The following SDK2 variants were observed in gnomAD, a reference collection of about 807,000 sequenced individuals.
SDK2 encodes protein sidekick-2.
A neutral mutation model predicts 253.9 loss-of-function variants in SDK2; 105 were observed. The observed-to-expected ratio is 0.41, with a 90% CI of 0.35 to 0.49. SDK2 has a LOEUF of 0.49. Among genes scored for constraint, SDK2 ranks in the 20% least tolerant of loss-of-function variants. The pLI is 0.06. For missense variants in SDK2, 2,608 were observed against 3,003.0 expected (o/e 0.87, Z 3.07); for synonymous variants, 1,249 against 1,234.9 (o/e 1.01, Z -0.24).
chr17:73,524,993 G>A (rs2064113856), intron 1 of SDK2, among the ~76,000 whole-genome samples: 1 of 152,260 alleles, frequency 6.6e-6, no homozygotes, highest in African/African-American at 2.4e-5. Flanking sequence ...TCCCATGGGT[G>A]AGGCCGTGGA....
At chr17:73,469,165 G>A (rs946609181) in intron 3 of SDK2, among the ~76,000 whole-genome samples, 1 of 152,148 alleles carries the variant, frequency 6.6e-6, no homozygotes, top group Non-Finnish European at 1.5e-5. Context: ...TCATGGTGAT[G>A]AGCCCCCAGC....
intron 38 of SDK2, among the ~76,000 whole-genome samples, chr17:73,363,560 G>A (rs974425832): frequency 2.0e-5 from 3 of 152,162 alleles, no homozygotes; most frequent in African/African-American, 7.2e-5. Context: ...TGTGAGGCTG[G>A]TTTGCTATTG....
chr17:73,624,861 G>A (rs1194299059), intron 1 of SDK2, among the ~76,000 whole-genome samples: 2 of 152,170 alleles, frequency 1.3e-5, no homozygotes, highest in African/African-American at 2.4e-5. Flanking sequence ...CAGTTACTCT[G>A]CACCAGATAC....
chr17:73,529,873 C>T (rs1267399599), intron 1 of SDK2, among the ~76,000 whole-genome samples: 2 of 152,200 alleles, frequency 1.3e-5, no homozygotes, highest in African/African-American at 4.8e-5. Context: ...ATTTTTGTTA[C>T]TTGAGCCACC....
intron 24 of SDK2, 146 bp downstream of exon 24, chr17:73,397,889 G>A: frequency 2.2e-6 from 2 of 911,790 alleles, no homozygotes; most frequent in Non-Finnish European, 3.2e-6. Context: ...TTTGTTCGTT[G>A]GGCTAAGATG....
chr17:73,532,907 A>G (rs951673349), intron 1 of SDK2, among the ~76,000 whole-genome samples: 1 of 152,190 alleles, frequency 6.6e-6, no homozygotes, highest in African/African-American at 2.4e-5. Flanking sequence ...AGTTAACTCT[A>G]TTGTGGCCCT....
At chr17:73,573,201 C>A (rs1261876707) in intron 1 of SDK2, among the ~76,000 whole-genome samples, 1 of 152,216 alleles carries the variant, frequency 6.6e-6, no homozygotes, top group East Asian at 1.9e-4. Context: ...ACACTCTGGG[C>A]CAGCAGGCGG....
intron 24 of SDK2, among the ~76,000 whole-genome samples, chr17:73,397,653 T>C (rs986101385): frequency 6.6e-6 from 1 of 152,190 alleles, no homozygotes; most frequent in Non-Finnish European, 1.5e-5. Context: ...AATGCCACAG[T>C]GGCACTTGAA....
At chr17:73,601,362 G>T (rs1173174581) in intron 1 of SDK2, among the ~76,000 whole-genome samples, 1 of 152,088 alleles carries the variant, frequency 6.6e-6, no homozygotes, top group Non-Finnish European at 1.5e-5. Context: ...CTTTGAGGTG[G>T]CATGCTGGGT....
At chr17:73,514,989 C>G (rs185634770) in intron 1 of SDK2, among the ~76,000 whole-genome samples, 8 of 152,298 alleles carry the variant, frequency 5.3e-5, no homozygotes, top group Non-Finnish European at 1.0e-4. Flanking sequence ...CTCACCAAAC[C>G]TCACTTCTCT....
chr17:73,597,312 C>G (rs569429362), intron 1 of SDK2, among the ~76,000 whole-genome samples: 1 of 152,296 alleles, frequency 6.6e-6, no homozygotes, highest in African/African-American at 2.4e-5. Context: ...TTTCTGGAAG[C>G]TGGGCACAAG....
intron 5 of SDK2, among the ~76,000 whole-genome samples, chr17:73,445,965 T>C (rs2063450552): frequency 1.3e-5 from 2 of 151,624 alleles, no homozygotes; most frequent in African/African-American, 4.8e-5. Flanking sequence ...GGTTGGGTGG[T>C]TTGGGATGGA....
chr17:73,468,742 G>T (rs976881943), intron 3 of SDK2, among the ~76,000 whole-genome samples: 8 of 151,598 alleles, frequency 5.3e-5, no homozygotes, highest in Non-Finnish European at 7.4e-5. Context: ...AGCCAGGATG[G>T]TCTCAATCTC....
chr17:73,375,951 T>C (rs2062776417), intron 36 of SDK2, among the ~76,000 whole-genome samples: 1 of 151,480 alleles, frequency 6.6e-6, no homozygotes, highest in Non-Finnish European at 1.5e-5. Flanking sequence ...ATCCCAGCAC[T>C]TTGGGAGGCC....
intron 1 of SDK2, among the ~76,000 whole-genome samples, chr17:73,617,708 T>C (rs1448162261): frequency 6.6e-6 from 1 of 152,184 alleles, no homozygotes; most frequent in African/African-American, 2.4e-5. Flanking sequence ...AAATAATTAG[T>C]GAGTCTGTCC....
At chr17:73,386,063 G>A in intron 31 of SDK2, 146 bp from the exon 32 acceptor site, 1 of 462,994 alleles carries the variant, frequency 2.2e-6, no homozygotes, top group East Asian at 4.6e-5. Context: ...GATTTCTGCA[G>A]AACAAAGGGC....
chr17:73,449,597 C>A (rs865900961), intron 4 of SDK2, among the ~76,000 whole-genome samples: 17 of 137,144 alleles, frequency 1.2e-4, no homozygotes, highest in Middle Eastern at 3.7e-3. Context: ...GATGCCCCCC[C>A]ACCTCTTTTT....
chr17:73,444,268 G>A (rs560341947), intron 5 of SDK2, among the ~76,000 whole-genome samples: 4 of 152,236 alleles, frequency 2.6e-5, no homozygotes, highest in East Asian at 1.9e-4. Flanking sequence ...ATTTCATGGC[G>A]TGGCTCCCTG....
intron 1 of SDK2, among the ~76,000 whole-genome samples, chr17:73,545,477 G>C (rs1489908648): frequency 6.6e-6 from 1 of 152,180 alleles, no homozygotes; most frequent in African/African-American, 2.4e-5. Flanking sequence ...GGGTTGAGGG[G>C]AAATGTGCAA....
Sources: allele counts gnomAD v4.1 joint callset (sites outside exome capture counted in the v4.1 genomes callset), GRCh38; gene constraint gnomAD v4.1.1; transcripts MANE v1.5; gene names NCBI Gene and HGNC (gene_info 2026-07-23, HGNC 2026-07-21).